Variants in LILRB4 observed in about 807,000 individuals in gnomAD.
LILRB4 encodes leukocyte immunoglobulin-like receptor subfamily B member 4.
LILRB4 carries 49 observed loss-of-function variants against 55.2 expected under a neutral mutation model. That is an observed-to-expected ratio of 0.89 (90% CI 0.71 to 1.13). The LOEUF is 1.13. LILRB4 is among the 50% of genes most tolerant of loss of function. The pLI is 0.00. For synonymous variants in LILRB4, 229 were observed against 213.8 expected (o/e 1.07, Z -0.62); for missense variants, 590 against 555.2 (o/e 1.06, Z -0.63).
chr19:54,668,032 C>A (rs553229488), exon 12 of LILRB4: 1 of 1,613,782 alleles, frequency 6.2e-7, no homozygotes, highest in East Asian at 2.2e-5. Flanking sequence ...CAGGGGGGAC[C>A]CAGACCCCAC....
At position 54,663,577 on chromosome 19, in the gene LILRB4, T is replaced by C. The variant is rs1429884640; in HGVS notation, c.70+10T>C. On this transcript the variant is annotated intron_variant, in intron 2 of 11. Coordinates refer to ENST00000430952, the Ensembl canonical transcript of LILRB4. ...ACCCACATGCAGGCAGGTGAGTCTGTCCCCAGCTGTCCCAGGTCCCTCCTC... is the reference window on the plus strand; with the variant it reads ...ACCCACATGCAGGCAGGTGAGTCTGCCCCCAGCTGTCCCAGGTCCCTCCTC... The C allele has an allele frequency of 1.2e-6, 2 of 1,613,132 alleles. No homozygotes were observed. The highest frequency in any genetic ancestry group is 8.5e-7 in the Non-Finnish European group (1 of 1,179,962).
Position 54,666,222 on chromosome 19 carries a change from C to CT in LILRB4, c.875-17dup. On this transcript the variant is annotated splice_polypyrimidine_tract_variant and intron_variant, in intron 7 of 11. Coordinates refer to ENST00000430952, the Ensembl canonical transcript of LILRB4. The surrounding 1 kb of genome is among the most constrained non-coding windows in gnomAD (Gnocchi z 4.8). ...TTCTAACGTTCCCAGAGCTGAGACT[C>CT]TGTCCATCTTCCCCCAGCCCAGAGA... The CT allele has an allele frequency of 1.3e-6, 2 of 1,573,220 alleles. No homozygotes were observed. Among genetic ancestry groups the CT allele is most frequent in the Non-Finnish European group, 1.7e-6 (2 of 1,162,170 alleles).
rs1326698774 is a variant in LILRB4, at chr19:54,666,790, G to C, written c.1041+41G>C. ...TGTCCCCGGCACCAAAGGCCTCCTG[G>C]TGCCAGATCTAATCCTGCAGGACTT... On this transcript the variant is annotated intron_variant, in intron 10 of 11. Transcript: ENST00000430952. This position sits in a 1 kb window ranked among gnomAD's most constrained non-coding sequence, Gnocchi z 4.8. The C allele has an allele frequency of 3.2e-6, 5 of 1,575,870 alleles. No homozygotes were observed. Among genetic ancestry groups the C allele is most frequent in the Non-Finnish European group, 4.4e-6 (5 of 1,145,520 alleles).
chr19:54,664,599 C>A (rs1457572729), intron 4 of LILRB4, 114 bp downstream of exon 4: 2 of 1,208,512 alleles, frequency 1.7e-6, no homozygotes, highest in African/African-American at 1.5e-5. Context: ...GGGGACTCAG[C>A]CCTCAGAGGG....
chr19:54,666,044 A>G lies in LILRB4; in HGVS notation c.874+113A>G. 3 of 1,429,822 alleles carry G rather than the reference A, an allele frequency of 2.1e-6. No individual in the cohort carries two copies. The highest frequency in any genetic ancestry group is 2.9e-6 in the Non-Finnish European group (3 of 1,044,312). 88.6% of individuals were successfully genotyped at this position (1,429,822 alleles called of 1,614,324 possible). ...TAGAAACTCTGCTCCAGAAATTCCCAGTGAGAAAATCTAGAAAGAAGAAAA... is the reference window on the plus strand; with the variant it reads ...TAGAAACTCTGCTCCAGAAATTCCCGGTGAGAAAATCTAGAAAGAAGAAAA... On this transcript the variant is annotated intron_variant, in intron 7 of 11. Transcript: ENST00000430952. This position sits in a 1 kb window ranked among gnomAD's most constrained non-coding sequence, Gnocchi z 4.8.
In LILRB4 at chr19:54,666,986, T is replaced by G. The variant is rs548106758; in HGVS notation, c.1041+237T>G. On this transcript the variant is annotated intron_variant, in intron 10 of 11. Transcript: ENST00000430952. This position sits in a 1 kb window ranked among gnomAD's most constrained non-coding sequence, Gnocchi z 4.8. ...ATCCTCTGTTTGGCCATCTGGTTGTTAGAGAGCTCCCCAGGCCTCAGGAGG... is the reference window on the plus strand; with the variant it reads ...ATCCTCTGTTTGGCCATCTGGTTGTGAGAGAGCTCCCCAGGCCTCAGGAGG... 4 of 705,288 alleles carry G rather than the reference T, an allele frequency of 5.7e-6. No homozygotes were observed. The highest frequency in any genetic ancestry group is 3.5e-5 in the African/African-American group (2 of 57,088). The allele number at this position is 705,288 out of a possible 1,614,324, so 43.7% of individuals were successfully genotyped here. A position where few individuals can be genotyped will look rare whatever the true frequency, so the allele number is the denominator to read the frequency against.
exon 3 of LILRB4, chr19:54,663,807 G>A: frequency 6.2e-7 from 1 of 1,614,168 alleles, no homozygotes; most frequent in South Asian, 1.1e-5. Context: ...GATCAGCTGG[G>A]GGAACTCTGT....
chr19:54,668,128 A>C (rs1668748626), exon 12 of LILRB4: 7 of 1,270,520 alleles, frequency 5.5e-6, no homozygotes, highest in Middle Eastern at 1.9e-4. Context: ...GACCCCTGAC[A>C]CAGACCACTA....
intron 3 of LILRB4, 65 bp downstream of exon 3, chr19:54,664,103 G>C (rs2065148930): frequency 6.2e-7 from 1 of 1,600,106 alleles, no homozygotes; most frequent in Non-Finnish European, 8.5e-7. Context: ...AGCTCTCAGG[G>C]GCATCTCCCT....
intron 4 of LILRB4, 90 bp downstream of exon 4, chr19:54,664,575 G>A: frequency 1.4e-6 from 2 of 1,391,594 alleles, no homozygotes; most frequent in South Asian, 1.4e-5. Flanking sequence ...GGAGGGAGAG[G>A]GGCTCAGCCA....
Position 54,666,904 on chromosome 19 carries a change from C to G in LILRB4, c.1041+155C>G. ...GCCTCCTGCCTGCTGGGACCTCACT[C>G]TCTCCTGCTGTCCTGGGACCTCATG... On this transcript the variant is annotated intron_variant, in intron 10 of 11. Transcript: ENST00000430952. This position sits in a 1 kb window ranked among gnomAD's most constrained non-coding sequence, Gnocchi z 4.8. 1 of 827,950 alleles carries G rather than the reference C, an allele frequency of 1.2e-6. No individual in the cohort carries two copies. Among genetic ancestry groups the G allele is most frequent in the South Asian group, 1.3e-5 (1 of 74,568 alleles). 51.3% of individuals were successfully genotyped at this position (827,950 alleles called of 1,614,324 possible).
chr19:54,665,040 G>C lies in LILRB4; in HGVS notation c.707-90G>C, dbSNP rs111444026. 1.3e-6 allele frequency: 2 copies of C among 1,527,984 alleles called. No homozygotes were observed. Among genetic ancestry groups the C allele is most frequent in the Non-Finnish European group, 1.8e-6 (2 of 1,107,898 alleles). The allele number at this position is 1,527,984 out of a possible 1,614,324, so 94.7% of individuals were successfully genotyped here. A position where few individuals can be genotyped will look rare whatever the true frequency, so the allele number is the denominator to read the frequency against. Reference sequence around the variant, plus strand: ...AGGCTGGGCTGGTGAGGGGTGAGGGGGTCAAGGCTGAAGGAGATGTTGCGG... The same window carrying C: ...AGGCTGGGCTGGTGAGGGGTGAGGGCGTCAAGGCTGAAGGAGATGTTGCGG... On this transcript the variant is annotated intron_variant, in intron 5 of 11. Transcript: ENST00000430952. The surrounding 1 kb of genome is among the most constrained non-coding windows in gnomAD (Gnocchi z 5.5).
In LILRB4 at chr19:54,665,139, A is replaced by T. The variant is rs756178408; in HGVS notation, c.716A>T (p.Glu239Val). Residue 239 changes from glutamate (E) to valine (V), a missense_variant, in exon 6 of 12, where the codon GAG becomes GTG. Coordinates refer to ENST00000430952, the Ensembl canonical transcript of LILRB4. The surrounding 1 kb of genome is among the most constrained non-coding windows in gnomAD (Gnocchi z 5.5). Reference sequence around the variant, plus strand: ...CCCTGTTCTAACCCAGCAGGCCCTGAGGACCAGCCCCTCATGCCTACAGGG... The same window carrying T: ...CCCTGTTCTAACCCAGCAGGCCCTGTGGACCAGCCCCTCATGCCTACAGGG... The T allele has an allele frequency of 6.2e-6, 10 of 1,607,578 alleles. No individual in the cohort carries two copies. In the East Asian group the frequency reaches 2.0e-4, roughly 33 times the overall value.
At chr19:54,664,506 C>G (rs975261241) in intron 4 of LILRB4, 21 bp downstream of exon 4, 2 of 1,575,700 alleles carry the variant, frequency 1.3e-6, no homozygotes, top group Non-Finnish European at 1.7e-6. Context: ...TGACCCTGTC[C>G]TCTCTGAGCT....
At position 54,665,758 on chromosome 19, in the gene LILRB4, A is replaced by G. The variant is rs2065234735; in HGVS notation, c.758-57A>G. ...CCCAGCACACACAGTAGGTGCACACACAGTAGGTGTGCACATCAATGACAT... is the reference window on the plus strand; with the variant it reads ...CCCAGCACACACAGTAGGTGCACACGCAGTAGGTGTGCACATCAATGACAT... On this transcript the variant is annotated intron_variant, in intron 6 of 11. Coordinates refer to ENST00000430952, the Ensembl canonical transcript of LILRB4. This position sits in a 1 kb window ranked among gnomAD's most constrained non-coding sequence, Gnocchi z 5.5. 2 of 1,525,994 alleles carry G rather than the reference A, an allele frequency of 1.3e-6. No individual in the cohort carries two copies. Among genetic ancestry groups the G allele is most frequent in the East Asian group, 2.4e-5 (1 of 41,062 alleles). 94.5% of individuals were successfully genotyped at this position (1,525,994 alleles called of 1,614,324 possible).
chr19:54,664,296 A>G (rs1400114147), exon 4 of LILRB4: 2 of 1,613,878 alleles, frequency 1.2e-6, no homozygotes, highest in African/African-American at 2.7e-5. Flanking sequence ...TTTTCTTCTG[A>G]TCAAGGAGCG....
chr19:54,665,035 G>A lies in LILRB4; in HGVS notation c.707-95G>A, dbSNP rs1378032691. 1.3e-6 allele frequency: 2 copies of A among 1,512,134 alleles called. No individual in the cohort carries two copies. The highest frequency in any genetic ancestry group is 1.8e-6 in the Non-Finnish European group (2 of 1,094,374). 93.7% of individuals were successfully genotyped at this position (1,512,134 alleles called of 1,614,324 possible). On this transcript the variant is annotated intron_variant, in intron 5 of 11. Transcript: ENST00000430952. This position sits in a 1 kb window ranked among gnomAD's most constrained non-coding sequence, Gnocchi z 5.5. ...CCCTGAGGCTGGGCTGGTGAGGGGT[G>A]AGGGGGTCAAGGCTGAAGGAGATGT...
At chr19:54,667,950 G>A in exon 12 of LILRB4, 2 of 1,613,480 alleles carry the variant, frequency 1.2e-6, no homozygotes, top group Non-Finnish European at 1.7e-6. Flanking sequence ...AGGCAACTGA[G>A]CCTCCTCCAT....
In LILRB4 at chr19:54,666,410, C is replaced by A. The variant is rs201717058; in HGVS notation, c.962C>A (p.Ala321Asp). 1.2e-6 allele frequency: 2 copies of A among 1,614,058 alleles called. No homozygotes were observed. Among genetic ancestry groups the A allele is most frequent in the South Asian group, 1.1e-5 (1 of 91,090 alleles). The change falls in exon 9 of 12, where the codon GCT (alanine) becomes GAT (aspartate). Residue 321 changes from alanine to aspartate, a missense_variant. Transcript: ENST00000430952. This position sits in a 1 kb window ranked among gnomAD's most constrained non-coding sequence, Gnocchi z 4.8. ...GTATCCTCCCCCAGGTCCAGCCCAG[C>A]TGCTGACGTCCAGGGAGAAAACTTC...
Sources: allele counts gnomAD v4.1 joint callset, GRCh38; gene constraint gnomAD v4.1.1; non-coding constraint Gnocchi (gnomAD v3.1); transcripts MANE v1.5; gene names NCBI Gene and HGNC (gene_info 2026-07-23, HGNC 2026-07-21).